Variants in ITGA4 observed in about 807,000 individuals in gnomAD.
The protein encoded by ITGA4 is integrin subunit alpha 4.
ITGA4 carries 63 observed loss-of-function variants against 133.6 expected under a neutral mutation model. The observed-to-expected ratio is 0.47, with a 90% CI of 0.38 to 0.58. The LOEUF is 0.58. ITGA4 is among the 20% of genes least tolerant of loss of function. The pLI, the probability that ITGA4 is intolerant of heterozygous loss-of-function variation, is 0.00. For missense variants in ITGA4, 1,076 were observed against 1,252.7 expected, an observed-to-expected ratio of 0.86 and a Z score of 2.13; for synonymous variants, 483 against 438.0, an observed-to-expected ratio of 1.10 and a Z score of -1.28.
intron 17 of ITGA4, 107 bp from the exon 18 acceptor site, chr2:181,522,084 G>T: frequency 1.8e-6 from 1 of 547,838 alleles, no homozygotes; most frequent in East Asian, 3.2e-5. Context: ...AAGAAAATTA[G>T]TATTTTATGT....
At chr2:181,507,117 A>G (rs1384374130) in intron 15 of ITGA4, among the ~76,000 whole-genome samples, 1 of 152,138 alleles carries the variant, frequency 6.6e-6, no homozygotes, top group Non-Finnish European at 1.5e-5. Flanking sequence ...AGTATGAAAG[A>G]CATCACAGTC....
At position 181,495,903 on chromosome 2, in the gene ITGA4, C is replaced by T. The variant is rs1225070138; in HGVS notation, c.1506C>T (p.Phe502=). The T allele has an allele frequency of 1.2e-6, 2 of 1,613,978 alleles. No homozygotes were observed. The highest frequency in any genetic ancestry group is 1.3e-5 in the African/African-American group (1 of 75,026). Residue 502 remains phenylalanine, a synonymous_variant, in exon 14 of 28, where the codon TTC becomes TTT. Coordinates refer to ENST00000397033, the MANE Select transcript of ITGA4 (RefSeq NM_000885.6). This position sits in a 1 kb window ranked among gnomAD's most constrained non-coding sequence, Gnocchi z 4.3. ...PSVCIDLTLC[F]SYKGKEVPGY... Reference sequence around the variant, plus strand: ...TGTGCATAGATCTAACACTTTGTTTCTCATATAAGGGCAAGGAAGTTCCAG... The same window carrying T: ...TGTGCATAGATCTAACACTTTGTTTTTCATATAAGGGCAAGGAAGTTCCAG...
intron 24 of ITGA4, among the ~76,000 whole-genome samples, chr2:181,531,250 G>A (rs534278354): frequency 6.6e-6 from 1 of 152,122 alleles, no homozygotes; most frequent in Non-Finnish European, 1.5e-5. Flanking sequence ...TGTGGCATGG[G>A]TTAATTTTCA....
chr2:181,467,408 A>G (rs1685445384), intron 2 of ITGA4, among the ~76,000 whole-genome samples: 1 of 152,210 alleles, frequency 6.6e-6, no homozygotes, highest in African/African-American at 2.4e-5. Context: ...TGACGCAGGT[A>G]GATAAAGCAG....
chr2:181,537,824 T>TTAGTAACATCAATTTC lies in ITGA4; in HGVS notation c.*2300_*2315dup, dbSNP rs1491429240. On this transcript the variant is annotated 3_prime_UTR_variant, in exon 28 of 28. Transcript: ENST00000397033. Reference sequence around the variant, plus strand: ...CTTTTAAAGCCCTAGAGGCTAATTGTTAGTAACATCAATTTCTATTAGGAT... The same window carrying TTAGTAACATCAATTTC: ...CTTTTAAAGCCCTAGAGGCTAATTGTTAGTAACATCAATTTCTAGTAACATCAATTTCTATTAGGAT... 1 of 479,724 alleles carries TTAGTAACATCAATTTC rather than the reference T, an allele frequency of 2.1e-6. No individual in the cohort carries two copies. Among genetic ancestry groups the TTAGTAACATCAATTTC allele is most frequent in the Admixed American group, 2.3e-5 (1 of 43,394 alleles). The allele number at this position is 479,724 out of a possible 1,614,324, so 29.7% of individuals were successfully genotyped here. A position where few individuals can be genotyped will look rare whatever the true frequency, so the allele number is the denominator to read the frequency against.
intron 10 of ITGA4, among the ~76,000 whole-genome samples, chr2:181,486,483 T>C (rs1420559996): frequency 6.6e-6 from 1 of 152,170 alleles, no homozygotes; most frequent in Non-Finnish European, 1.5e-5. Context: ...TGCCAGGCAT[T>C]CCCTATAGCT....
chr2:181,483,633 G>T (rs949499765), intron 9 of ITGA4, among the ~76,000 whole-genome samples: 1 of 152,160 alleles, frequency 6.6e-6, no homozygotes, highest in Non-Finnish European at 1.5e-5. Flanking sequence ...GAGCAGGGAA[G>T]TTATTTATGC....
chr2:181,499,124 C>T (rs1466804801), intron 15 of ITGA4, among the ~76,000 whole-genome samples: 1 of 152,070 alleles, frequency 6.6e-6, no homozygotes, highest in Non-Finnish European at 1.5e-5. Context: ...TTCCGTGGTA[C>T]GTTTTTTGGG....
At position 181,512,880 on chromosome 2, in the gene ITGA4, A is replaced by G. The variant is rs1002482971; in HGVS notation, c.1922+1105A>G. 4.6e-5 allele frequency among the ~76,000 whole-genome samples: 7 copies of G among 152,182 alleles called. No individual in the cohort carries two copies. In the East Asian group the frequency reaches 1.4e-3, roughly 30 times the overall value. On this transcript the variant is annotated intron_variant, in intron 17 of 27. Transcript: ENST00000397033. ...GTGAGGTATTTTTATGTATTTATCAAATGTTGTTATTTGTTCAATTATTAG... is the reference window on the plus strand; with the variant it reads ...GTGAGGTATTTTTATGTATTTATCAGATGTTGTTATTTGTTCAATTATTAG...
intron 14 of ITGA4, among the ~76,000 whole-genome samples, chr2:181,496,154 A>T (rs1350994341): frequency 6.6e-6 from 1 of 152,166 alleles, no homozygotes; most frequent in African/African-American, 2.4e-5. Flanking sequence ...TTGTTTAGAG[A>T]TTATGAGAAG....
intron 16 of ITGA4, 37 bp downstream of exon 16, chr2:181,509,844 C>T (rs377295032): frequency 2.1e-6 from 3 of 1,453,276 alleles, no homozygotes; most frequent in South Asian, 1.2e-5. Context: ...TATTGTATGG[C>T]ATTTAACTAA....
rs1360549979 is a variant in ITGA4 at position 181,516,401 on chromosome 2, A to G, written c.1922+4626A>G. On this transcript the variant is annotated intron_variant, in intron 17 of 27. Coordinates refer to ENST00000397033, the MANE Select transcript of ITGA4 (RefSeq NM_000885.6). The surrounding 1 kb of genome is among the most constrained non-coding windows in gnomAD (Gnocchi z 4.0). ...CAGGTTTGGTGAACAGCTACCAAAGACTAGACATTGATGGTTATCTTTCCA... is the reference window on the plus strand; with the variant it reads ...CAGGTTTGGTGAACAGCTACCAAAGGCTAGACATTGATGGTTATCTTTCCA... 6.6e-6 allele frequency among the ~76,000 whole-genome samples: 1 copy of G among 152,056 alleles called. No homozygotes were observed. Among genetic ancestry groups the G allele is most frequent in the East Asian group, 1.9e-4 (1 of 5,172 alleles).
In ITGA4 at chr2:181,535,412, TTATGTTATGC is replaced by T. The variant is rs747784376; in HGVS notation, c.3004-16_3004-7del. 1 of 1,575,288 alleles carries T rather than the reference TTATGTTATGC, an allele frequency of 6.3e-7. No individual in the cohort carries two copies. The highest frequency in any genetic ancestry group is 1.1e-5 in the South Asian group (1 of 87,546). ...AGTGTTCATAACTATACACTAGTGA[TTATGTTATGC>T]TATTTTCAGGCTGGCTTCTTTAAAA... On this transcript the variant is annotated splice_polypyrimidine_tract_variant and intron_variant, in intron 27 of 27. Coordinates refer to ENST00000397033, the MANE Select transcript of ITGA4 (RefSeq NM_000885.6).
In ITGA4 at chr2:181,457,601, G is replaced by A; in HGVS notation, c.-54G>A. The A allele has an allele frequency of 1.3e-6, 2 of 1,531,070 alleles. No homozygotes were observed. The highest frequency in any genetic ancestry group is 1.8e-6 in the Non-Finnish European group (2 of 1,126,440). 94.8% of individuals were successfully genotyped at this position (1,531,070 alleles called of 1,614,324 possible). The stretch of plus-strand genomic sequence containing the variant: ...CCCCGTTGGCCAACCGTCGCATCCC[G>A]TGCAACTTTGGGGTAGTGGCCGTTT... On this transcript the variant is annotated 5_prime_UTR_variant, in exon 1 of 28. It adds an upstream start codon to the 5' untranslated region. Transcript: ENST00000397033.
In ITGA4 at chr2:181,475,216, A is replaced by G. The variant is rs1685647617; in HGVS notation, c.484A>G (p.Thr162Ala). ...FYIKNENKLP[T>A]GGCYGVPPDL... ...CATAAAGAATGAAAATAAGCTCCCC[A>G]CTGGTGGTTGCTATGGAGTGCCCCC... The change falls in exon 4 of 28, where the codon ACT becomes GCT. Residue 162 changes from threonine (T) to alanine (A), a missense_variant. By Grantham distance (58) the Thr-to-Ala change is moderately conservative. Coordinates refer to ENST00000397033, the MANE Select transcript of ITGA4 (RefSeq NM_000885.6). 1 of 1,612,328 alleles carries G rather than the reference A, an allele frequency of 6.2e-7. No individual in the cohort carries two copies.
chr2:181,468,622 G>A (rs533269411), intron 2 of ITGA4, among the ~76,000 whole-genome samples: 20 of 151,980 alleles, frequency 1.3e-4, no homozygotes, highest in Non-Finnish European at 2.4e-4. Flanking sequence ...GAATGAAAGG[G>A]GGAGGAGTAA....
In ITGA4 at chr2:181,535,671, G is replaced by A; in HGVS notation, c.*144G>A. On this transcript the variant is annotated 3_prime_UTR_variant, in exon 28 of 28. Transcript: ENST00000397033. ...TGACATATTATGTCTTCATGCAAGG[G>A]GAAAATCTCAGCAATGATTACTCTT... is the stretch of plus-strand genomic sequence containing the variant. 1 of 1,032,880 alleles carries A rather than the reference G, an allele frequency of 9.7e-7. No homozygotes were observed. Among genetic ancestry groups the A allele is most frequent in the Non-Finnish European group, 1.3e-6 (1 of 743,940 alleles). The allele number at this position is 1,032,880 out of a possible 1,614,324, so 64.0% of individuals were successfully genotyped here.
At position 181,538,053 on chromosome 2, in the gene ITGA4, C is replaced by G. The variant is rs1302412372; in HGVS notation, c.*2526C>G. On this transcript the variant is annotated 3_prime_UTR_variant, in exon 28 of 28. Coordinates refer to ENST00000397033, the MANE Select transcript of ITGA4 (RefSeq NM_000885.6). The stretch of plus-strand genomic sequence containing the variant: ...GGAACAGTTCATCCTGAAACCATTC[C>G]CCCATCCACGGAAAAATTGTCTTCC... 2.8e-6 allele frequency: 2 copies of G among 706,532 alleles called. No individual in the cohort carries two copies. The allele number at this position is 706,532 out of a possible 1,614,324, so 43.8% of individuals were successfully genotyped here.
chr2:181,472,094 C>T (rs749283084), intron 2 of ITGA4, among the ~76,000 whole-genome samples: 8 of 152,158 alleles, frequency 5.3e-5, no homozygotes, highest in Non-Finnish European at 7.4e-5. Flanking sequence ...GTGTAAACCT[C>T]AGTGTGAGCC....
Sources: allele counts gnomAD v4.1 joint callset (sites outside exome capture counted in the v4.1 genomes callset), GRCh38; gene constraint gnomAD v4.1.1; non-coding constraint Gnocchi (gnomAD v3.1); transcripts MANE v1.5; gene names NCBI Gene and HGNC (gene_info 2026-07-23, HGNC 2026-07-21).